Variants in DOCK3 observed in about 807,000 individuals in gnomAD.
DOCK3 encodes the protein dedicator of cytokinesis protein 3.
In DOCK3, 60 loss-of-function variants were observed where a neutral mutation model predicts 265.6. That is an observed-to-expected ratio of 0.23 (90% confidence interval 0.18 to 0.28). The LOEUF (loss-of-function observed/expected upper bound fraction) is 0.28. Among genes scored for constraint, DOCK3 ranks in the 10% least tolerant of loss-of-function variants. The pLI is 1.00. For synonymous variants in DOCK3, 881 were observed against 938.0 expected, an observed-to-expected ratio of 0.94 and a Z score of 1.11; for missense variants, 1,981 against 2,594.3, an observed-to-expected ratio of 0.76 and a Z score of 5.14.
At chr3:51,267,377 TTTTC>T (rs1265112998) in intron 23 of DOCK3, among the ~76,000 whole-genome samples, 17 of 150,570 alleles carry the variant, frequency 1.1e-4, no homozygotes, top group Admixed American at 6.0e-4. Flanking sequence ...CGTATGGTTT[TTTTC>T]TTTCTTTTTT....
At chr3:50,939,370 A>G (rs2051570516) in intron 5 of DOCK3, among the ~76,000 whole-genome samples, 1 of 152,110 alleles carries the variant, frequency 6.6e-6, no homozygotes, top group African/African-American at 2.4e-5. Context: ...AATACTTCCT[A>G]ATTCATCTTA....
At chr3:51,281,507 T>C (rs1476678643) in intron 27 of DOCK3, among the ~76,000 whole-genome samples, 3 of 152,258 alleles carry the variant, frequency 2.0e-5, no homozygotes, top group East Asian at 1.9e-4. Flanking sequence ...TTTCCCACTC[T>C]TGCTATCATC....
chr3:51,197,678 G>C (rs945445714), intron 12 of DOCK3, among the ~76,000 whole-genome samples: 2 of 152,164 alleles, frequency 1.3e-5, no homozygotes, highest in African/African-American at 4.8e-5. Context: ...GGTGAGAACA[G>C]CACCAGCCAT....
At chr3:51,284,323 G>A (rs2081295366) in intron 27 of DOCK3, among the ~76,000 whole-genome samples, 1 of 151,948 alleles carries the variant, frequency 6.6e-6, no homozygotes, top group Non-Finnish European at 1.5e-5. Context: ...CAGAAAAGTG[G>A]CTTTAAAAAC....
In DOCK3 at chr3:51,112,811, A is replaced by G. The variant is rs1369726626; in HGVS notation, c.746+22427A>G. Among the ~76,000 whole-genome samples, 4 of 152,106 alleles carry G rather than the reference A, an allele frequency of 2.6e-5. No individual in the cohort carries two copies. The East Asian group carries it at 5.8e-4, about 22-fold the overall frequency. ...TTTTAATATCCTGGCCACTCTACAG[A>G]TTAATTAAAACAGGATTTCTCAGAT... On this transcript the variant is annotated intron_variant, in intron 9 of 52. Transcript: ENST00000266037.
At chr3:51,094,549 TTTCTC>T (rs1025626435) in intron 9 of DOCK3, among the ~76,000 whole-genome samples, 6 of 152,130 alleles carry the variant, frequency 3.9e-5, no homozygotes, top group Non-Finnish European at 7.4e-5. Flanking sequence ...CTATTTCACT[TTTCTC>T]TTTTCTTCTT....
At chr3:50,856,629 T>A (rs1314774403) in intron 3 of DOCK3, among the ~76,000 whole-genome samples, 6 of 152,042 alleles carry the variant, frequency 3.9e-5, no homozygotes, top group African/African-American at 9.7e-5. Flanking sequence ...ATTCTGTAGG[T>A]TGTCTGTTTA....
At chr3:51,110,374 C>CA (rs2083463075) in intron 9 of DOCK3, among the ~76,000 whole-genome samples, 4 of 151,550 alleles carry the variant, frequency 2.6e-5, no homozygotes, top group East Asian at 1.9e-4. Flanking sequence ...CCACCACCAC[C>CA]ACCAACAACA....
chr3:51,157,694 C>G (rs1470806087), intron 10 of DOCK3, among the ~76,000 whole-genome samples: 1 of 152,100 alleles, frequency 6.6e-6, no homozygotes, highest in Admixed American at 6.6e-5. Context: ...CCTTGCTTGC[C>G]TCACACTAGT....
intron 49 of DOCK3, among the ~76,000 whole-genome samples, chr3:51,364,441 C>G (rs925237660): frequency 6.6e-6 from 1 of 152,064 alleles, no homozygotes; most frequent in Non-Finnish European, 1.5e-5. Context: ...TGTAGGTTGC[C>G]TTTTCACTCT....
At chr3:50,713,777 T>C (rs1381880148) in intron 1 of DOCK3, among the ~76,000 whole-genome samples, 1 of 152,048 alleles carries the variant, frequency 6.6e-6, no homozygotes, top group African/African-American at 2.4e-5. Context: ...TCATGATCTT[T>C]AGTCATCTCC....
intron 27 of DOCK3, among the ~76,000 whole-genome samples, chr3:51,285,758 C>A (rs951318089): frequency 2.0e-5 from 3 of 151,938 alleles, no homozygotes; most frequent in Non-Finnish European, 2.9e-5. Flanking sequence ...CATAGCGAAA[C>A]CCCGTCTCTA....
intron 31 of DOCK3, among the ~76,000 whole-genome samples, chr3:51,314,404 A>G (rs1399128545): frequency 6.6e-6 from 1 of 152,202 alleles, no homozygotes; most frequent in Non-Finnish European, 1.5e-5. Flanking sequence ...CCAGCCTTTT[A>G]GGGTAGGGCT....
At position 51,244,888 on chromosome 3, in the gene DOCK3, C is replaced by G. The variant is rs533754581; in HGVS notation, c.2103-1838C>G. 4.6e-5 allele frequency among the ~76,000 whole-genome samples: 7 copies of G among 152,258 alleles called. No individual in the cohort carries two copies. In the East Asian group the frequency reaches 7.7e-4, roughly 17 times the overall value. ...CTACTTCTAGGAAATGATGGTAAAG[C>G]TGCTAAAGATGTCTTGGTTTTTCCA... On this transcript the variant is annotated intron_variant, in intron 21 of 52. Transcript: ENST00000266037.
At chr3:51,008,606 C>G (rs939809310) in intron 5 of DOCK3, among the ~76,000 whole-genome samples, 4 of 152,098 alleles carry the variant, frequency 2.6e-5, no homozygotes, top group South Asian at 2.1e-4. Context: ...TTTCCTAATT[C>G]AATACCCTTT....
intron 3 of DOCK3, among the ~76,000 whole-genome samples, chr3:50,862,836 G>A (rs144520872): frequency 5.3e-5 from 8 of 152,256 alleles, no homozygotes; most frequent in Admixed American, 3.9e-4. Context: ...GTAGGCCCAA[G>A]TGGCACGGAC....
intron 3 of DOCK3, among the ~76,000 whole-genome samples, chr3:50,880,122 A>T (rs2047944637): frequency 6.6e-6 from 1 of 152,228 alleles, no homozygotes. Flanking sequence ...TCTGGAACAC[A>T]TTTAAAGCAG....
intron 2 of DOCK3, among the ~76,000 whole-genome samples, chr3:50,822,103 A>G (rs1349960163): frequency 6.6e-6 from 1 of 152,164 alleles, no homozygotes; most frequent in Non-Finnish European, 1.5e-5. Flanking sequence ...CAGTATGACC[A>G]TTTTAACAAT....
intron 4 of DOCK3, among the ~76,000 whole-genome samples, chr3:50,908,497 A>T (rs13092850): frequency 6.6e-6 from 1 of 151,988 alleles, no homozygotes; most frequent in Admixed American, 6.6e-5. Flanking sequence ...CAATTCAGGA[A>T]CAGGTTGTTC....
Sources: allele counts gnomAD v4.1 joint callset (sites outside exome capture counted in the v4.1 genomes callset), GRCh38; gene constraint gnomAD v4.1.1; transcripts MANE v1.5; gene names NCBI Gene and HGNC (gene_info 2026-07-23, HGNC 2026-07-21).